Variants in BRAF observed in about 807,000 individuals in gnomAD.
BRAF encodes B-Raf proto-oncogene, serine/threonine kinase.
In BRAF, 16 loss-of-function variants were observed where a neutral mutation model predicts 104.6. The observed-to-expected ratio is 0.15, with a 90% CI of 0.10 to 0.23. The LOEUF is 0.23. BRAF is among the 10% of genes least tolerant of loss of function. The pLI, the probability that BRAF is intolerant of heterozygous loss-of-function variation, is 1.00. For missense variants in BRAF, 541 were observed against 937.3 expected, an observed-to-expected ratio of 0.58 and a Z score of 5.52; for synonymous variants, 310 against 341.6, an observed-to-expected ratio of 0.91 and a Z score of 1.02.
chr7:140,820,507 T>C (rs1805361655), intron 3 of BRAF, among the ~76,000 whole-genome samples: 1 of 152,122 alleles, frequency 6.6e-6, no homozygotes, highest in Non-Finnish European at 1.5e-5. Context: ...CCCTGAACAA[T>C]CATAAAAAAC....
chr7:140,789,219 CA>C (rs201489839), intron 8 of BRAF, among the ~76,000 whole-genome samples: 3 of 146,642 alleles, frequency 2.0e-5, no homozygotes, highest in Non-Finnish European at 1.5e-5. Flanking sequence ...AGAAAAAAAA[CA>C]AAAAAAAAAC....
intron 14 of BRAF, among the ~76,000 whole-genome samples, chr7:140,761,953 T>C (rs935637034): frequency 2.0e-5 from 3 of 152,164 alleles, no homozygotes; most frequent in East Asian, 1.9e-4. Context: ...GACTTTAACA[T>C]CCCACTGTCA....
intron 19 of BRAF, among the ~76,000 whole-genome samples, chr7:140,729,759 C>CA (rs371546182): frequency 6.6e-6 from 1 of 152,204 alleles, no homozygotes; most frequent in African/African-American, 2.4e-5. Context: ...GCCTGGGCAA[C>CA]AGAATGAGAC....
chr7:140,801,265 T>C (rs1803080436), intron 6 of BRAF, 147 bp downstream of exon 6: 1 of 798,260 alleles, frequency 1.3e-6, no homozygotes, highest in African/African-American at 1.7e-5. Context: ...ATTCCACATA[T>C]TATTCTCTAA....
At chr7:140,796,707 T>C (rs1437989473) in intron 7 of BRAF, among the ~76,000 whole-genome samples, 1 of 152,236 alleles carries the variant, frequency 6.6e-6, no homozygotes, top group East Asian at 1.9e-4. Context: ...AGTCAACTTC[T>C]CTAGCTTTCA....
chr7:140,748,323 T>G (rs924310231), intron 17 of BRAF, among the ~76,000 whole-genome samples: 2 of 152,162 alleles, frequency 1.3e-5, no homozygotes, highest in African/African-American at 4.8e-5. Context: ...CTAAAAAGCC[T>G]GCACTGTTTT....
At chr7:140,767,361 A>C (rs773055475) in intron 14 of BRAF, among the ~76,000 whole-genome samples, 29 of 152,178 alleles carry the variant, frequency 1.9e-4, no homozygotes, top group Non-Finnish European at 3.7e-4. Context: ...GATGATAAAC[A>C]AGATGGGAGA....
chr7:140,718,948 T>G (rs1436948866), downstream of BRAF, among the ~76,000 whole-genome samples: 8 of 152,186 alleles, frequency 5.3e-5, no homozygotes, highest in East Asian at 1.5e-3. Context: ...GTCAAAAGTT[T>G]GAAAAAATAC....
chr7:140,867,338 T>C (rs1811078769), intron 1 of BRAF, among the ~76,000 whole-genome samples: 5 of 152,200 alleles, frequency 3.3e-5, no homozygotes, highest in Admixed American at 3.3e-4. Context: ...ACTTTATACA[T>C]GCCATAGCAT....
chr7:140,812,267 A>C (rs1804363021), intron 3 of BRAF, among the ~76,000 whole-genome samples: 1 of 151,758 alleles, frequency 6.6e-6, no homozygotes, highest in Admixed American at 6.6e-5. Context: ...TCTGAAACAA[A>C]ATTTCATAGG....
In BRAF at chr7:140,813,402, G is replaced by T. The variant is rs532661680; in HGVS notation, c.505-4407C>A. 3.3e-5 allele frequency among the ~76,000 whole-genome samples: 5 copies of T among 152,266 alleles called. No individual in the cohort carries two copies. The East Asian group carries it at 7.7e-4, about 24-fold the overall frequency. On this transcript the variant is annotated intron_variant, in intron 3 of 19. Transcript: ENST00000644969. ...AATTGATAACATATTCTACTGGTAT[G>T]AAGCTATAAACAGACATCTCATAAT...
At chr7:140,801,595 T>C in intron 5 of BRAF, 35 bp from the exon 6 acceptor site, 7 of 1,600,566 alleles carry the variant, frequency 4.4e-6, no homozygotes, top group Non-Finnish European at 5.1e-6. Context: ...TTTCAAAAAC[T>C]CACAAGAAAA....
Position 140,720,217 on chromosome 7 carries a change from G to A in BRAF, c.*6277C>T. 2 of 1,062,792 alleles carry A rather than the reference G, an allele frequency of 1.9e-6. No individual in the cohort carries two copies. The highest frequency in any genetic ancestry group is 1.1e-6 in the Non-Finnish European group (1 of 877,762). 65.8% of individuals were successfully genotyped at this position (1,062,792 alleles called of 1,614,324 possible). On this transcript the variant is annotated 3_prime_UTR_variant, in exon 20 of 20. Transcript: ENST00000644969. The stretch of plus-strand genomic sequence containing the variant: ...AGGATCAGATGTACAACCAACAAAT[G>A]AGATTACCACAAATACATATCACTG...
intron 8 of BRAF, 46 bp from the exon 9 acceptor site, chr7:140,787,630 T>G: frequency 6.5e-7 from 1 of 1,534,260 alleles, no homozygotes; most frequent in Non-Finnish European, 9.0e-7. Flanking sequence ...AAGCATATAA[T>G]CAGAGAGTAG....
chr7:140,916,744 T>C (rs1817675956), intron 1 of BRAF, among the ~76,000 whole-genome samples: 1 of 152,218 alleles, frequency 6.6e-6, no homozygotes. Flanking sequence ...ATATTAACTA[T>C]ATACTGAAGT....
intron 8 of BRAF, among the ~76,000 whole-genome samples, chr7:140,791,256 C>A (rs1323437227): frequency 6.6e-6 from 1 of 152,242 alleles, no homozygotes. Context: ...TCTCCTCTTA[C>A]TGGCCCTCTA....
chr7:140,750,894 G>C (rs2128996162), intron 16 of BRAF, among the ~76,000 whole-genome samples: 1 of 152,196 alleles, frequency 6.6e-6, no homozygotes, highest in East Asian at 1.9e-4. Flanking sequence ...CTTCAATTTA[G>C]TGATTTAATT....
chr7:140,899,300 A>C (rs1815327710), intron 1 of BRAF, among the ~76,000 whole-genome samples: 1 of 151,526 alleles, frequency 6.6e-6, no homozygotes, highest in Non-Finnish European at 1.5e-5. Context: ...AGAAACTCTA[A>C]GGGTAGCCCC....
chr7:140,862,171 C>T (rs1333034644), intron 1 of BRAF, among the ~76,000 whole-genome samples: 1 of 152,068 alleles, frequency 6.6e-6, no homozygotes, highest in Non-Finnish European at 1.5e-5. Context: ...AGAAAAAGAT[C>T]ACAATGAACA....
Sources: gnomAD v4.1 joint callset for allele counts (sites outside exome capture counted in the v4.1 genomes callset) on GRCh38, gnomAD v4.1.1 for gene constraint, MANE v1.5 for transcripts, NCBI Gene and HGNC (gene_info 2026-07-23, HGNC 2026-07-21) for gene names.